Variants in PPP2CB observed in about 807,000 individuals in gnomAD.
PPP2CB encodes the protein protein phosphatase 2 catalytic subunit beta, also known as serine/threonine-protein phosphatase 2A catalytic subunit beta isoform.
A neutral mutation model predicts 39.1 loss-of-function variants in PPP2CB; 18 were observed. The observed-to-expected ratio is 0.46, with a 90% CI of 0.32 to 0.68. The LOEUF is 0.68. Among genes scored for constraint, PPP2CB ranks in the 30% least tolerant of loss-of-function variants. The probability of loss-of-function intolerance (pLI) is 0.04; values close to 1 mark genes in which losing one functional copy is unlikely to be tolerated. For missense variants in PPP2CB, 226 were observed against 396.9 expected (o/e 0.57, Z 3.66); for synonymous variants, 129 against 133.8 (o/e 0.96, Z 0.25).
chr8:30,797,897 A>T, intron 2 of PPP2CB, 143 bp from the exon 3 acceptor site: 5 of 785,190 alleles, frequency 6.4e-6, no homozygotes, highest in Non-Finnish European at 9.7e-6. Flanking sequence ...AAAATAAAAA[A>T]CTTGCTTATT....
chr8:30,791,893 T>C (rs1806438379), intron 5 of PPP2CB, among the ~76,000 whole-genome samples: 1 of 151,296 alleles, frequency 6.6e-6, no homozygotes, highest in African/African-American at 2.4e-5. Context: ...TATGTATACA[T>C]GTGTATATAC....
chr8:30,791,312 A>G lies in PPP2CB; in HGVS notation c.742T>C (p.Tyr248His). ...ACATTCCGATCATGACACCAATTGT[A>G]TCCCTGCAGGATAAAAACAAATTCA... ...SRAHQLVMEGYNWCHDRNVVT... is the reference protein window; with the variant it reads ...SRAHQLVMEGHNWCHDRNVVT... Residue 248 changes from tyrosine to histidine, a missense_variant, in exon 6 of 7, where the codon TAC becomes CAC. By Grantham distance (83) the Tyr-to-His change is moderately conservative. Coordinates refer to ENST00000221138, the MANE Select transcript of PPP2CB (RefSeq NM_001009552.2). 1 of 1,592,624 alleles carries G rather than the reference A, an allele frequency of 6.3e-7. No individual in the cohort carries two copies. Among genetic ancestry groups the G allele is most frequent in the Non-Finnish European group, 8.6e-7 (1 of 1,164,292 alleles).
chr8:30,800,849 G>A (rs565139057), intron 1 of PPP2CB, among the ~76,000 whole-genome samples: 13 of 152,188 alleles, frequency 8.5e-5, no homozygotes, highest in Non-Finnish European at 1.8e-4. Flanking sequence ...GCTAAGAGAT[G>A]AGAACTGGGA....
At chr8:30,806,936 T>C (rs1259654112) in intron 1 of PPP2CB, among the ~76,000 whole-genome samples, 1 of 152,256 alleles carries the variant, frequency 6.6e-6, no homozygotes, top group African/African-American at 2.4e-5. Context: ...GTCATATATA[T>C]TTGACACGTC....
chr8:30,811,549 T>C (rs1005489232), intron 1 of PPP2CB, among the ~76,000 whole-genome samples: 3 of 148,340 alleles, frequency 2.0e-5, no homozygotes, highest in Non-Finnish European at 3.0e-5. Flanking sequence ...TGGAGTGCAG[T>C]GGCGCGATCT....
intron 1 of PPP2CB, among the ~76,000 whole-genome samples, chr8:30,804,883 C>T (rs1806692790): frequency 6.6e-6 from 1 of 151,942 alleles, no homozygotes; most frequent in Non-Finnish European, 1.5e-5. Context: ...TTTTCTATGA[C>T]CACCCTATTA....
In PPP2CB at chr8:30,797,861, G is replaced by C. The variant is rs574547594; in HGVS notation, c.313-107C>G. On this transcript the variant is annotated intron_variant, in intron 2 of 6. Transcript: ENST00000221138. ...TTAAACACGGCGCTTTTGGCCACCAGTATATTAAATGTTAATTTCAGTTTC... is the reference window on the plus strand; with the variant it reads ...TTAAACACGGCGCTTTTGGCCACCACTATATTAAATGTTAATTTCAGTTTC... 11 of 1,062,648 alleles carry C rather than the reference G, an allele frequency of 1.0e-5. No individual in the cohort carries two copies. The Admixed American group carries it at 2.4e-4, about 23-fold the overall frequency. 65.8% of individuals were successfully genotyped at this position (1,062,648 alleles called of 1,614,324 possible).
intron 1 of PPP2CB, among the ~76,000 whole-genome samples, chr8:30,808,973 G>A (rs1806772583): frequency 6.9e-6 from 1 of 145,052 alleles, no homozygotes; most frequent in Admixed American, 7.1e-5. Context: ...CACCCAGGCT[G>A]GAGTGCAGCG....
At chr8:30,797,158 G>A (rs1247810776) in intron 3 of PPP2CB, among the ~76,000 whole-genome samples, 1 of 152,108 alleles carries the variant, frequency 6.6e-6, no homozygotes, top group African/African-American at 2.4e-5. Context: ...CAGGGAAGGT[G>A]TAATACACAA....
chr8:30,800,077 T>C (rs1806594736), intron 1 of PPP2CB, among the ~76,000 whole-genome samples: 1 of 152,186 alleles, frequency 6.6e-6, no homozygotes, highest in Non-Finnish European at 1.5e-5. Flanking sequence ...CTCCTAGGTA[T>C]ATACTCAAGA....
At chr8:30,796,950 C>T (rs529617395) in intron 3 of PPP2CB, among the ~76,000 whole-genome samples, 29 of 152,254 alleles carry the variant, frequency 1.9e-4, no homozygotes, top group South Asian at 1.0e-3. Flanking sequence ...CTGAAGAGAT[C>T]CTCTCACCTC....
At chr8:30,790,147 T>C (rs1014765327) in intron 6 of PPP2CB, among the ~76,000 whole-genome samples, 3 of 149,204 alleles carry the variant, frequency 2.0e-5, no homozygotes, top group Non-Finnish European at 3.0e-5. Context: ...AGGTTCTGGG[T>C]GGACATGAAT....
chr8:30,799,105 A>G (rs1366405305), intron 2 of PPP2CB, among the ~76,000 whole-genome samples: 1 of 152,208 alleles, frequency 6.6e-6, no homozygotes, highest in East Asian at 1.9e-4. Flanking sequence ...AGGGTTAAAT[A>G]AGAGATTTCA....
intron 1 of PPP2CB, among the ~76,000 whole-genome samples, chr8:30,811,328 C>T (rs896024500): frequency 1.3e-5 from 2 of 152,102 alleles, no homozygotes; most frequent in Non-Finnish European, 2.9e-5. Context: ...AACACTGTTC[C>T]CAAACTTAAG....
chr8:30,799,486 C>CA, intron 2 of PPP2CB, 60 bp downstream of exon 2: 1 of 1,373,440 alleles, frequency 7.3e-7, no homozygotes, highest in African/African-American at 1.4e-5. Context: ...GCAATACTGT[C>CA]ATTCTTGCCT....
chr8:30,805,816 T>C (rs1231836700), intron 1 of PPP2CB, among the ~76,000 whole-genome samples: 1 of 152,216 alleles, frequency 6.6e-6, no homozygotes, highest in Non-Finnish European at 1.5e-5. Flanking sequence ...ATGATGCTAT[T>C]ATAACGCAAG....
intron 5 of PPP2CB, among the ~76,000 whole-genome samples, chr8:30,791,853 CGTGTATATATGTATATATGT>C (rs1453437211): frequency 6.7e-6 from 1 of 148,934 alleles, no homozygotes; most frequent in Admixed American, 7.0e-5. Flanking sequence ...TGTATATATA[CGTGTATATATGTATATATGT>C]GTGTGCATAT....
intron 2 of PPP2CB, among the ~76,000 whole-genome samples, chr8:30,798,916 C>T (rs1563215944): frequency 6.6e-6 from 1 of 152,010 alleles, no homozygotes; most frequent in East Asian, 1.9e-4. Flanking sequence ...TGGGGGAAAT[C>T]GACTATGGAA....
At chr8:30,801,405 G>A (rs1328676844) in intron 1 of PPP2CB, among the ~76,000 whole-genome samples, 1 of 152,036 alleles carries the variant, frequency 6.6e-6, no homozygotes, top group Admixed American at 6.6e-5. Flanking sequence ...GGTGGCGGGC[G>A]CCTGTAGCCC....
Sources: allele counts gnomAD v4.1 joint callset (sites outside exome capture counted in the v4.1 genomes callset), GRCh38; gene constraint gnomAD v4.1.1; transcripts MANE v1.5; gene names NCBI Gene and HGNC (gene_info 2026-07-23, HGNC 2026-07-21).